The following NREP variants were observed in gnomAD, a reference collection of about 807,000 sequenced individuals.
NREP encodes the protein neuronal regeneration related protein.
In NREP, 5 loss-of-function variants were observed where a neutral mutation model predicts 8.6. The observed-to-expected ratio is 0.58, with a 90% confidence interval of 0.30 to 1.22. The LOEUF (loss-of-function observed/expected upper bound fraction) is 1.22. NREP is among the 50% of genes most tolerant of loss of function. The probability of loss-of-function intolerance (pLI) is 0.07; values close to 1 mark genes in which losing one functional copy is unlikely to be tolerated. For synonymous variants in NREP, 27 were observed against 28.0 expected, an observed-to-expected ratio of 0.96 and a Z score of 0.11; for missense variants, 86 against 82.5, an observed-to-expected ratio of 1.04 and a Z score of -0.17.
chr5:111,744,777 A>G (rs991645019), intron 2 of NREP, among the ~76,000 whole-genome samples: 1 of 152,160 alleles, frequency 6.6e-6, no homozygotes, highest in Non-Finnish European at 1.5e-5. Flanking sequence ...TGAAAATCCA[A>G]ACTAGAGGCT....
chr5:111,852,679 T>G (rs1170214452), intron 2 of NREP, among the ~76,000 whole-genome samples: 2 of 152,072 alleles, frequency 1.3e-5, no homozygotes, highest in African/African-American at 4.8e-5. Context: ...GGGGTGTGTA[T>G]GTATTTTACT....
chr5:111,956,020 A>G (rs1338615600), intron 2 of NREP, among the ~76,000 whole-genome samples: 2 of 152,108 alleles, frequency 1.3e-5, no homozygotes, highest in Non-Finnish European at 2.9e-5. Flanking sequence ...TTATTCTGTC[A>G]TATGATTTGG....
At chr5:111,806,524 C>A (rs1752144257) in intron 2 of NREP, among the ~76,000 whole-genome samples, 1 of 152,166 alleles carries the variant, frequency 6.6e-6, no homozygotes, top group South Asian at 2.1e-4. Context: ...AAAATGATTT[C>A]TCACCAGTAT....
chr5:111,844,991 C>T (rs1753124309), intron 2 of NREP, among the ~76,000 whole-genome samples: 1 of 152,042 alleles, frequency 6.6e-6, no homozygotes, highest in Non-Finnish European at 1.5e-5. Flanking sequence ...TGGCCTGCCA[C>T]TGATGCAGAA....
intron 2 of NREP, among the ~76,000 whole-genome samples, chr5:111,800,957 C>T (rs1403629280): frequency 1.3e-5 from 2 of 152,018 alleles, no homozygotes; most frequent in Non-Finnish European, 2.9e-5. Flanking sequence ...GAGTGACCAT[C>T]TGTGTTAGCT....
At chr5:111,756,296 T>TAAAAAAAAAAA in intron 1 of NREP, 1 of 237,984 alleles carries the variant, frequency 4.2e-6, no homozygotes, top group Non-Finnish European at 5.1e-6. Context: ...CTTCCGTGTT[T>TAAAAAAAAAAA]AAAAAAAAAA....
rs145254719 is a variant in NREP at position 111,895,841 on chromosome 5, C to A, written c.135+79433G>T. 2.3e-3 allele frequency among the ~76,000 whole-genome samples: 356 copies of A among 152,260 alleles called. 3 individuals carry two copies. Among genetic ancestry groups the A allele is most frequent in the African/African-American group, 8.0e-3 (334 of 41,564 alleles). On this transcript the variant is annotated intron_variant, in intron 2 of 3. Coordinates refer to the NREP transcript ENST00000395634. ...TTTGAAACTCTGTAACTGAGAACCA[C>A]AGGCTCATGTACGGCCTTAGAAGGA...
At chr5:111,872,257 C>T (rs1753808359) in intron 2 of NREP, among the ~76,000 whole-genome samples, 1 of 152,072 alleles carries the variant, frequency 6.6e-6, no homozygotes, top group Non-Finnish European at 1.5e-5. Flanking sequence ...ACTTCCTGCT[C>T]AAAGGCCATC....
intron 2 of NREP, among the ~76,000 whole-genome samples, chr5:111,836,747 CAG>C (rs1447795933): frequency 6.6e-6 from 1 of 152,010 alleles, no homozygotes; most frequent in Non-Finnish European, 1.5e-5. Flanking sequence ...AAGGAGGACT[CAG>C]GGTAGTCTGC....
At chr5:111,790,858 C>G (rs187550563) in intron 2 of NREP, among the ~76,000 whole-genome samples, 24 of 151,986 alleles carry the variant, frequency 1.6e-4, no homozygotes, top group African/African-American at 5.1e-4. Context: ...TTTTGTTCAA[C>G]GAAATGAGGA....
chr5:111,831,508 C>T (rs1417452392), intron 2 of NREP, among the ~76,000 whole-genome samples: 1 of 152,124 alleles, frequency 6.6e-6, no homozygotes, highest in African/African-American at 2.4e-5. Context: ...TTCTCATCAT[C>T]CACAGGCATC....
At chr5:111,757,576 C>T, upstream of NREP, 3 of 984,398 alleles carry the variant, frequency 3.0e-6, no homozygotes, top group Non-Finnish European at 3.6e-6. Context: ...CAGGAATCGG[C>T]GGCTCTGGGC....
chr5:111,790,675 T>C (rs1282600885), intron 2 of NREP, among the ~76,000 whole-genome samples: 1 of 152,142 alleles, frequency 6.6e-6, no homozygotes, highest in Non-Finnish European at 1.5e-5. Flanking sequence ...ATGCAGAATA[T>C]AGAAAGTAAC....
At position 111,869,587 on chromosome 5, in the gene NREP, G is replaced by A. The variant is rs76652593; in HGVS notation, c.135+105687C>T. 4.2e-3 allele frequency among the ~76,000 whole-genome samples: 633 copies of A among 152,244 alleles called. 3 individuals are homozygous for A. The highest frequency in any genetic ancestry group is 0.014 in the African/African-American group (583 of 41,548). ...TACAGGTGATGCAGTATAATGTCAT[G>A]GCTAACTCAGGCTCTACTGTCAGAC... On this transcript the variant is annotated intron_variant, in intron 2 of 3. Transcript: ENST00000395634.
intron 2 of NREP, among the ~76,000 whole-genome samples, chr5:111,871,473 T>C (rs1361025654): frequency 6.6e-6 from 1 of 152,108 alleles, no homozygotes; most frequent in Non-Finnish European, 1.5e-5. Context: ...CTACTGTAGA[T>C]AGTAGACTTA....
At chr5:111,951,077 C>T (rs1451164367) in intron 2 of NREP, among the ~76,000 whole-genome samples, 3 of 152,058 alleles carry the variant, frequency 2.0e-5, no homozygotes, top group Non-Finnish European at 4.4e-5. Flanking sequence ...TCTCTGAAGA[C>T]AATGTATATA....
chr5:111,954,064 G>C (rs1756240980), intron 2 of NREP, among the ~76,000 whole-genome samples: 1 of 152,080 alleles, frequency 6.6e-6, no homozygotes, highest in Non-Finnish European at 1.5e-5. Context: ...AAAGTGAATT[G>C]ACATTTAGCT....
chr5:111,869,249 G>A (rs10477473), intron 2 of NREP, among the ~76,000 whole-genome samples: 10,417 of 152,232 alleles, frequency 0.068, 386 homozygotes, highest in African/African-American at 0.088. Context: ...GGAAGCAAGC[G>A]AAGCCTAGAG....
At chr5:111,975,204 G>T in intron 2 of NREP, 3 of 1,009,318 alleles carry the variant, frequency 3.0e-6, no homozygotes, top group Non-Finnish European at 4.6e-6. Flanking sequence ...TCACTTGGTT[G>T]CATGTGATGG....
Sources: allele counts gnomAD v4.1 joint callset (sites outside exome capture counted in the v4.1 genomes callset), GRCh38; gene constraint gnomAD v4.1.1; transcripts MANE v1.5; gene names NCBI Gene and HGNC (gene_info 2026-07-23, HGNC 2026-07-21).